AFG2A: variants seen among roughly 807,000 people sequenced by gnomAD.
The protein encoded by AFG2A is ATPase family gene 2 protein homolog A.
chr4:123,169,230 G>T, the AFG2A span, among the ~76,000 whole-genome samples: 2 of 152,166 alleles, frequency 1.3e-5, no homozygotes, highest in Admixed American at 1.3e-4. Context: ...TCTTGCATAT[G>T]TAATGAAAAT....
At chr4:123,085,927 G>A in the AFG2A span, among the ~76,000 whole-genome samples, 1 of 151,548 alleles carries the variant, frequency 6.6e-6, no homozygotes, top group African/African-American at 2.4e-5. Flanking sequence ...CTTTCAAATA[G>A]CCCTATTCAC....
the AFG2A span, among the ~76,000 whole-genome samples, chr4:123,122,167 G>T: frequency 6.6e-6 from 1 of 152,108 alleles, no homozygotes; most frequent in Non-Finnish European, 1.5e-5. Context: ...TAGATAATCA[G>T]TTATGTTGAT....
the AFG2A span, chr4:122,934,567 A>G: frequency 6.2e-7 from 1 of 1,613,808 alleles, no homozygotes; most frequent in South Asian, 1.1e-5. Context: ...TTTTTATTTT[A>G]TTTCTTCAAC....
At chr4:123,095,081 G>GTA in the AFG2A span, among the ~76,000 whole-genome samples, 343 of 48,250 alleles carry the variant, frequency 7.1e-3, 3 homozygotes, top group African/African-American at 0.013. Flanking sequence ...GTGTGTGTGT[G>GTA]TATATATATA....
At chr4:123,189,661 TGACTGCTCTCTTTGAGTATTGCCTTAG>T in the AFG2A span, among the ~76,000 whole-genome samples, 7 of 152,254 alleles carry the variant, frequency 4.6e-5, no homozygotes, top group African/African-American at 1.7e-4. Context: ...TCCCTGACTT[TGACTGCTCTCTTTGAGTATTGCCTTAG>T]CTTTCATTTC....
chr4:123,060,298 T>C, the AFG2A span, among the ~76,000 whole-genome samples: 2 of 152,218 alleles, frequency 1.3e-5, no homozygotes. Context: ...GGTGCCCCAG[T>C]GGGGACTCTG....
chr4:123,306,618 C>T, the AFG2A span, among the ~76,000 whole-genome samples: 5 of 151,702 alleles, frequency 3.3e-5, no homozygotes, highest in African/African-American at 4.9e-5. Flanking sequence ...TGCAATGTCA[C>T]GATCTTGGCT....
the AFG2A span, among the ~76,000 whole-genome samples, chr4:122,986,481 G>C: frequency 6.6e-6 from 1 of 152,132 alleles, no homozygotes; most frequent in Admixed American, 6.5e-5. Context: ...ATTATTTTAA[G>C]TGAAGTAACT....
chr4:122,973,149 G>A, the AFG2A span, among the ~76,000 whole-genome samples: 3 of 152,004 alleles, frequency 2.0e-5, no homozygotes, highest in African/African-American at 4.8e-5. Flanking sequence ...TTATTACCCC[G>A]AGTGTCTGGT....
the AFG2A span, among the ~76,000 whole-genome samples, chr4:123,145,465 G>A: frequency 6.6e-6 from 1 of 152,142 alleles, no homozygotes; most frequent in Admixed American, 6.5e-5. Context: ...AATAATAGTA[G>A]CAAATAATGC....
the AFG2A span, among the ~76,000 whole-genome samples, chr4:123,032,173 A>G: frequency 6.6e-6 from 1 of 152,188 alleles, no homozygotes; most frequent in African/African-American, 2.4e-5. Context: ...TGAGCTTAGT[A>G]TATCCTTGAC....
chr4:123,066,066 G>A, the AFG2A span, among the ~76,000 whole-genome samples: 2 of 152,116 alleles, frequency 1.3e-5, no homozygotes, highest in African/African-American at 4.8e-5. Context: ...AGCTGTTTCT[G>A]CATTTATAGT....
chr4:123,232,952 G>A, the AFG2A span, among the ~76,000 whole-genome samples: 1 of 152,036 alleles, frequency 6.6e-6, no homozygotes, highest in Non-Finnish European at 1.5e-5. Context: ...AATCTTCCTT[G>A]TTACAACAAC....
the AFG2A span, among the ~76,000 whole-genome samples, chr4:123,311,771 T>TTATCTA: frequency 5.3e-5 from 8 of 151,510 alleles, no homozygotes; most frequent in African/African-American, 2.0e-4. Flanking sequence ...ATATAACATT[T>TTATCTA]CCCACTACCT....
chr4:123,067,522 A>G, the AFG2A span, among the ~76,000 whole-genome samples: 5 of 152,052 alleles, frequency 3.3e-5, no homozygotes, highest in Admixed American at 2.0e-4. Context: ...ATCCCCCCCA[A>G]AAAAAAGAAA....
the AFG2A span, among the ~76,000 whole-genome samples, chr4:123,002,993 T>C: frequency 6.6e-6 from 1 of 152,184 alleles, no homozygotes; most frequent in Non-Finnish European, 1.5e-5. Flanking sequence ...TCTTGGAGGC[T>C]TTGTTCATTT....
the AFG2A span, among the ~76,000 whole-genome samples, chr4:123,073,563 G>T: frequency 6.6e-6 from 1 of 152,002 alleles, no homozygotes; most frequent in African/African-American, 2.4e-5. Context: ...TTTTTAGAAA[G>T]AATCTCTTTT....
At chr4:123,255,856 C>T in the AFG2A span, among the ~76,000 whole-genome samples, 33 of 151,422 alleles carry the variant, frequency 2.2e-4, no homozygotes, top group Middle Eastern at 3.4e-3. Context: ...TTGTTTGTAT[C>T]GGTGACATAG....
At chr4:122,969,173 G>A in the AFG2A span, among the ~76,000 whole-genome samples, 101 of 151,584 alleles carry the variant, frequency 6.7e-4, 1 homozygote, top group South Asian at 0.018. Context: ...CTTTTTCTTC[G>A]TGGCTGGTGA....
Sources: gnomAD v4.1 joint callset for allele counts (sites outside exome capture counted in the v4.1 genomes callset) on GRCh38, gnomAD v4.1.1 for gene constraint, MANE v1.5 for transcripts, NCBI Gene and HGNC (gene_info 2026-07-23, HGNC 2026-07-21) for gene names.